Variants in SPEF2 observed in about 807,000 individuals in gnomAD.
SPEF2 encodes sperm flagellar and cilia associated 2, also known as sperm flagella and cilia-associated protein 2.
In SPEF2, 187 loss-of-function variants were observed where a neutral mutation model predicts 224.6. That is an observed-to-expected ratio of 0.83 (90% CI 0.74 to 0.94). The LOEUF (loss-of-function observed/expected upper bound fraction) is 0.94. Ranked by LOEUF, SPEF2 falls within the 40% of genes least tolerant of loss-of-function variation. The pLI is 0.00. For synonymous variants in SPEF2, 715 were observed against 707.3 expected, an observed-to-expected ratio of 1.01 and a Z score of -0.17; for missense variants, 2,170 against 2,135.6, an observed-to-expected ratio of 1.02 and a Z score of -0.32.
At position 35,705,822 on chromosome 5, in the gene SPEF2, T is replaced by C; in HGVS notation, c.2665+14T>C. On this transcript the variant is annotated intron_variant, in intron 18 of 36. Coordinates refer to ENST00000356031, the MANE Select transcript of SPEF2 (RefSeq NM_024867.4). ...AAAAGAATAAAGGTATTTACATTTG[T>C]TTATAGTTTTGAGTTTAGGCAACTA... The C allele has an allele frequency of 7.0e-7, 1 of 1,426,356 alleles. No homozygotes were observed. Among genetic ancestry groups the C allele is most frequent in the Non-Finnish European group, 9.5e-7 (1 of 1,053,156 alleles). The allele number at this position is 1,426,356 out of a possible 1,614,324, so 88.4% of individuals were successfully genotyped here.
intron 30 of SPEF2, chr5:35,781,203 G>A (rs1329092276): frequency 6.6e-6 from 1 of 151,816 alleles, no homozygotes; most frequent in Non-Finnish European, 1.5e-5. Flanking sequence ...TTTGCCCTAG[G>A]AGCTGAGAGT....
At chr5:35,712,766 ATTG>A (rs1289466126) in intron 19 of SPEF2, 43 bp from the exon 20 acceptor site, 2 of 1,574,258 alleles carry the variant, frequency 1.3e-6, no homozygotes, top group South Asian at 2.2e-5. Flanking sequence ...AGCCCAGGCT[ATTG>A]AAGTAAATCA....
intron 19 of SPEF2, chr5:35,709,608 G>C (rs1468216534): frequency 1.0e-6 from 1 of 985,330 alleles, no homozygotes; most frequent in Non-Finnish European, 1.2e-6. Context: ...GATTATAAAA[G>C]TATAGAAACA....
chr5:35,740,037 A>G lies in SPEF2; in HGVS notation c.3182A>G (p.Tyr1061Cys), dbSNP rs1482188926. The change falls in exon 22 of 37, where the codon TAT becomes TGT. Residue 1061 changes from tyrosine (Y) to cysteine (C), a missense_variant. By Grantham distance (194) the Tyr-to-Cys change is radical. Coordinates refer to ENST00000356031, the MANE Select transcript of SPEF2 (RefSeq NM_024867.4). ...CAGCATACTGTGCTTGCTTACTTAT[A>G]TGAGATTAGGTAAGTAATGTTTCCA... Reference protein sequence around the residue: ...EDQHTVLAYLYEIRTSFQEFL... With the variant: ...EDQHTVLAYLCEIRTSFQEFL... 5.6e-6 allele frequency: 9 copies of G among 1,614,136 alleles called. No individual in the cohort carries two copies. The highest frequency in any genetic ancestry group is 7.6e-6 in the Non-Finnish European group (9 of 1,179,998).
At chr5:35,667,848 A>G (rs536549591) in intron 9 of SPEF2, among the ~76,000 whole-genome samples, 51 of 152,322 alleles carry the variant, frequency 3.3e-4, no homozygotes, top group African/African-American at 1.1e-3. Flanking sequence ...AAAAATAGGC[A>G]AAAGATATGA....
chr5:35,678,263 G>T (rs747067426), intron 10 of SPEF2, among the ~76,000 whole-genome samples: 1 of 152,228 alleles, frequency 6.6e-6, no homozygotes, highest in Non-Finnish European at 1.5e-5. Flanking sequence ...AAATTCATTA[G>T]ATTTCCTGAT....
chr5:35,669,182 T>A (rs772778602), intron 9 of SPEF2, among the ~76,000 whole-genome samples: 3 of 152,130 alleles, frequency 2.0e-5, no homozygotes, highest in Non-Finnish European at 4.4e-5. Flanking sequence ...CCTTTTTCTG[T>A]CTGGCTTATT....
intron 20 of SPEF2, among the ~76,000 whole-genome samples, chr5:35,718,971 C>T (rs964273779): frequency 7.4e-4 from 113 of 152,308 alleles, no homozygotes; most frequent in African/African-American, 2.6e-3. Flanking sequence ...TCTTGTGACA[C>T]ACCCAGATAA....
intron 5 of SPEF2, among the ~76,000 whole-genome samples, chr5:35,648,215 C>G (rs1460389991): frequency 6.6e-6 from 1 of 151,970 alleles, no homozygotes; most frequent in East Asian, 1.9e-4. Flanking sequence ...ATTCCTAAAT[C>G]CATTGAATTT....
At position 35,692,623 on chromosome 5, in the gene SPEF2, G is replaced by C. The variant is rs910436620; in HGVS notation, c.1798G>C (p.Ala600Pro). ...CACTCTTGTCCAAGAAGCTATCCAAGCATTTCATGACAATGAAAAAGTCAG... is the reference window on the plus strand; with the variant it reads ...CACTCTTGTCCAAGAAGCTATCCAACCATTTCATGACAATGAAAAAGTCAG... ...IDTLVQEAIQ[A>P]FHDNEKVSEV... Residue 600 changes from alanine to proline, a missense_variant, in exon 12 of 37, where the codon GCA becomes CCA. Coordinates refer to ENST00000356031, the MANE Select transcript of SPEF2 (RefSeq NM_024867.4). 3.1e-6 allele frequency: 5 copies of C among 1,613,360 alleles called. No individual in the cohort carries two copies. The African/African-American group carries it at 6.7e-5, about 22-fold the overall frequency.
intron 8 of SPEF2, 149 bp downstream of exon 8, chr5:35,659,356 G>T (rs1749393727): frequency 9.5e-6 from 7 of 737,248 alleles, no homozygotes; most frequent in Non-Finnish European, 1.5e-5. Flanking sequence ...TTTTATTTTT[G>T]TATAACTCCA....
chr5:35,792,230 T>C (rs1000807511), intron 30 of SPEF2, 110 bp from the exon 31 acceptor site: 22 of 651,780 alleles, frequency 3.4e-5, no homozygotes, highest in Admixed American at 6.9e-5. Flanking sequence ...TACCATTTTA[T>C]ATAATATGAA....
intron 27 of SPEF2, among the ~76,000 whole-genome samples, chr5:35,772,188 G>A (rs996497560): frequency 6.6e-6 from 1 of 152,080 alleles, no homozygotes; most frequent in Non-Finnish European, 1.5e-5. Context: ...GTAGCATGAG[G>A]GAAAACAAAG....
chr5:35,779,029 T>A, intron 29 of SPEF2, 88 bp from the exon 30 acceptor site: 1 of 911,766 alleles, frequency 1.1e-6, no homozygotes. Flanking sequence ...ATAATCTGTT[T>A]ACTTTTGTGT....
At chr5:35,675,063 C>T (rs1751746980) in intron 10 of SPEF2, among the ~76,000 whole-genome samples, 1 of 151,906 alleles carries the variant, frequency 6.6e-6, no homozygotes, top group Non-Finnish European at 1.5e-5. Flanking sequence ...TACTGGAGGG[C>T]CCTGAAAAAT....
At chr5:35,803,128 G>A (rs1161651461) in intron 34 of SPEF2, among the ~76,000 whole-genome samples, 2 of 152,178 alleles carry the variant, frequency 1.3e-5, no homozygotes, top group Non-Finnish European at 2.9e-5. Context: ...AGAAGGAAGA[G>A]AGGGACAGTG....
At chr5:35,713,592 C>T (rs1016195018) in intron 20 of SPEF2, among the ~76,000 whole-genome samples, 59 of 150,836 alleles carry the variant, frequency 3.9e-4, no homozygotes, top group African/African-American at 1.3e-3. Flanking sequence ...AAAAATTAGC[C>T]AGGCATGGTG....
chr5:35,661,296 ATATT>A (rs1280513851), intron 8 of SPEF2, among the ~76,000 whole-genome samples: 10 of 105,212 alleles, frequency 9.5e-5, no homozygotes, highest in Non-Finnish European at 1.5e-4. Flanking sequence ...ATATATATAT[ATATT>A]ATACACACAT....
At chr5:35,663,150 C>G (rs1386462459) in intron 8 of SPEF2, among the ~76,000 whole-genome samples, 2 of 152,036 alleles carry the variant, frequency 1.3e-5, no homozygotes, top group Admixed American at 1.3e-4. Flanking sequence ...GCCCATTGTT[C>G]CCTTATATCA....
Sources: allele counts gnomAD v4.1 joint callset (sites outside exome capture counted in the v4.1 genomes callset), GRCh38; gene constraint gnomAD v4.1.1; transcripts MANE v1.5; gene names NCBI Gene and HGNC (gene_info 2026-07-23, HGNC 2026-07-21).